The following SHCBP1L variants were observed in gnomAD, a reference collection of about 807,000 sequenced individuals.
SHCBP1L encodes the protein SHC binding and spindle associated 1 like.
A neutral mutation model predicts 62.5 loss-of-function variants in SHCBP1L; 67 were observed. The observed-to-expected ratio is 1.07, with a 90% CI of 0.88 to 1.31. The LOEUF is 1.31. Ranked by LOEUF, SHCBP1L falls within the 40% of genes most tolerant of loss-of-function variation. The pLI is 0.00. For synonymous variants in SHCBP1L, 284 were observed against 289.4 expected, an observed-to-expected ratio of 0.98 and a Z score of 0.19; for missense variants, 823 against 809.8, an observed-to-expected ratio of 1.02 and a Z score of -0.20.
At chr1:182,941,103 C>A (rs12078026) in intron 2 of SHCBP1L, among the ~76,000 whole-genome samples, 70 of 151,482 alleles carry the variant, frequency 4.6e-4, no homozygotes, top group African/African-American at 1.7e-3. Context: ...CAGTGGGCAT[C>A]TAGCACACAG....
chr1:182,939,076 T>C, intron 5 of SHCBP1L, 100 bp downstream of exon 5: 1 of 886,344 alleles, frequency 1.1e-6, no homozygotes, highest in Non-Finnish European at 1.7e-6. Context: ...TCTAATTTTA[T>C]ACTTCACTTT....
chr1:182,952,191 AATATATATATATATATAT>A (rs869051143), intron 1 of SHCBP1L, among the ~76,000 whole-genome samples: 779 of 24,152 alleles, frequency 0.032, 20 homozygotes, highest in South Asian at 0.069. Context: ...AAAAAAAAAA[AATATATATATATATATAT>A]ATATATATAT....
At chr1:182,941,949 A>G (rs1289290123) in intron 2 of SHCBP1L, among the ~76,000 whole-genome samples, 1 of 152,232 alleles carries the variant, frequency 6.6e-6, no homozygotes, top group African/African-American at 2.4e-5. Flanking sequence ...AAGCATTTAC[A>G]CTTAAAAAAT....
chr1:182,943,439 TTG>T (rs1651443324), intron 2 of SHCBP1L, among the ~76,000 whole-genome samples: 1 of 148,580 alleles, frequency 6.7e-6, no homozygotes, highest in Non-Finnish European at 1.5e-5. Flanking sequence ...TTTTGTTTGT[TTG>T]TGTTTGTTTT....
At chr1:182,951,812 A>C (rs1651752469) in intron 1 of SHCBP1L, 1 of 239,424 alleles carries the variant, frequency 4.2e-6, no homozygotes, top group Non-Finnish European at 8.5e-6. Flanking sequence ...GGTTAGAAAC[A>C]TGAAATATTT....
chr1:182,924,585 C>T (rs1330308753), intron 6 of SHCBP1L, among the ~76,000 whole-genome samples: 5 of 151,168 alleles, frequency 3.3e-5, no homozygotes, highest in East Asian at 1.9e-4. Context: ...TGTGAGCCAC[C>T]GCGCCCCGCC....
chr1:182,943,543 T>C (rs1219443249), intron 2 of SHCBP1L, among the ~76,000 whole-genome samples: 3 of 150,706 alleles, frequency 2.0e-5, no homozygotes, highest in South Asian at 2.1e-4. Context: ...GCCTCCCAGG[T>C]TCAAGCGATT....
chr1:182,948,866 A>C (rs1651658564), intron 2 of SHCBP1L, among the ~76,000 whole-genome samples: 1 of 152,224 alleles, frequency 6.6e-6, no homozygotes. Context: ...ATTGTGCAGC[A>C]CTATCTTAAG....
At chr1:182,932,146 G>C (rs1651025873) in intron 5 of SHCBP1L, among the ~76,000 whole-genome samples, 1 of 129,386 alleles carries the variant, frequency 7.7e-6, no homozygotes, top group Non-Finnish European at 1.5e-5. Flanking sequence ...TCCTTGTCTG[G>C]GTGTCCCAAC....
intron 6 of SHCBP1L, among the ~76,000 whole-genome samples, chr1:182,908,883 T>TA (rs1650095768): frequency 6.6e-6 from 1 of 152,206 alleles, no homozygotes; most frequent in Non-Finnish European, 1.5e-5. Context: ...ATGGGATTTT[T>TA]AAAAAATTTG....
chr1:182,931,312 G>T (rs1650990057), intron 5 of SHCBP1L, among the ~76,000 whole-genome samples: 1 of 151,266 alleles, frequency 6.6e-6, no homozygotes, highest in Non-Finnish European at 1.5e-5. Flanking sequence ...TAAACATTCA[G>T]GAAACCACAG....
Position 182,924,661 on chromosome 1 carries a change from G to A in SHCBP1L, c.1182+4986C>T, listed in dbSNP as rs73044380. Among the ~76,000 whole-genome samples the A allele has an allele frequency of 9.5e-3, 1,221 of 128,460 alleles. 36 individuals carry two copies. Among genetic ancestry groups the A allele is most frequent in the African/African-American group, 0.036 (1,127 of 31,546 alleles). The allele number at this position is 128,460 out of a possible 152,430, so 84.3% of individuals were successfully genotyped here. On this transcript the variant is annotated intron_variant, in intron 6 of 9. Transcript: ENST00000367547. Reference sequence around the variant, plus strand: ...CAATGTACAGATGCAGTGCTATTCCGATCCAACTACAAAAGAAAGGAAAGG... The same window carrying A: ...CAATGTACAGATGCAGTGCTATTCCAATCCAACTACAAAAGAAAGGAAAGG...
chr1:182,934,730 T>C (rs1651112278), intron 5 of SHCBP1L, among the ~76,000 whole-genome samples: 1 of 152,196 alleles, frequency 6.6e-6, no homozygotes, highest in Non-Finnish European at 1.5e-5. Context: ...ACAGTATTGT[T>C]GTGGTACCTA....
intron 6 of SHCBP1L, among the ~76,000 whole-genome samples, chr1:182,923,446 C>A (rs1035908985): frequency 4.6e-5 from 7 of 152,100 alleles, no homozygotes; most frequent in Admixed American, 1.3e-4. Flanking sequence ...TCCTAATGAA[C>A]ACAGATGCAA....
intron 6 of SHCBP1L, among the ~76,000 whole-genome samples, chr1:182,912,946 C>G (rs1173437918): frequency 6.6e-6 from 1 of 151,570 alleles, no homozygotes; most frequent in Non-Finnish European, 1.5e-5. Flanking sequence ...ACCAGACTGA[C>G]CAATATGGTG....
chr1:182,913,626 G>A (rs1028141758), intron 6 of SHCBP1L, among the ~76,000 whole-genome samples: 2 of 152,148 alleles, frequency 1.3e-5, no homozygotes, highest in Non-Finnish European at 2.9e-5. Context: ...AAGTGTAATG[G>A]ACTTTAAGTA....
chr1:182,932,741 C>T (rs1651048214), intron 5 of SHCBP1L, among the ~76,000 whole-genome samples: 1 of 152,110 alleles, frequency 6.6e-6, no homozygotes, highest in Admixed American at 6.5e-5. Flanking sequence ...GTGATCTGCC[C>T]ACTTCAGCCT....
intron 6 of SHCBP1L, among the ~76,000 whole-genome samples, chr1:182,909,380 A>G (rs988472903): frequency 6.6e-6 from 1 of 152,210 alleles, no homozygotes; most frequent in African/African-American, 2.4e-5. Context: ...ATGCGTAAAG[A>G]GGGAAAGATA....
At chr1:182,921,174 C>T (rs947543988) in intron 6 of SHCBP1L, among the ~76,000 whole-genome samples, 1 of 152,180 alleles carries the variant, frequency 6.6e-6, no homozygotes, top group African/African-American at 2.4e-5. Flanking sequence ...AACAGTGGAC[C>T]TTTCAGCAGA....
Sources: allele counts gnomAD v4.1 joint callset (sites outside exome capture counted in the v4.1 genomes callset), GRCh38; gene constraint gnomAD v4.1.1; transcripts MANE v1.5; gene names NCBI Gene and HGNC (gene_info 2026-07-23, HGNC 2026-07-21).